The following FOXK1 variants were observed in gnomAD, a reference collection of about 807,000 sequenced individuals.
The protein encoded by FOXK1 is forkhead box protein K1.
In FOXK1, 19 loss-of-function variants were observed where a neutral mutation model predicts 51.9. The observed-to-expected ratio is 0.37, with a 90% CI of 0.26 to 0.54. FOXK1 has a LOEUF of 0.54. Ranked by LOEUF, FOXK1 falls within the 20% of genes least tolerant of loss-of-function variation. FOXK1 has a pLI of 0.87. For missense variants in FOXK1, 870 were observed against 1,032.7 expected, an observed-to-expected ratio of 0.84 and a Z score of 2.16; for synonymous variants, 537 against 482.6, an observed-to-expected ratio of 1.11 and a Z score of -1.48.
chr7:4,715,145 G>A lies in FOXK1; in HGVS notation c.561-25693G>A, dbSNP rs1047722433. On this transcript the variant is annotated intron_variant, in intron 1 of 8. Coordinates refer to ENST00000328914, the MANE Select transcript of FOXK1 (RefSeq NM_001037165.2). This position sits in a 1 kb window ranked among gnomAD's most constrained non-coding sequence, Gnocchi z 4.5. ...TTGTGATATAGTGCACGGTGGAATTGTGATACGGTACATGGTGGAACTGTG... is the reference window on the plus strand; with the variant it reads ...TTGTGATATAGTGCACGGTGGAATTATGATACGGTACATGGTGGAACTGTG... 8.1e-6 allele frequency among the ~76,000 whole-genome samples: 1 copy of A among 122,892 alleles called. No homozygotes were observed. The highest frequency in any genetic ancestry group is 1.9e-4 in the East Asian group (1 of 5,178). 80.6% of individuals were successfully genotyped at this position (122,892 alleles called of 152,430 possible).
At chr7:4,690,514 T>C (rs1176221180) in intron 1 of FOXK1, among the ~76,000 whole-genome samples, 1 of 152,276 alleles carries the variant, frequency 6.6e-6, no homozygotes, top group East Asian at 1.9e-4. Context: ...AGCCACTTTC[T>C]AGTATTTGGT....
rs149869770 is a variant in FOXK1 at position 4,708,386 on chromosome 7, C to T, written c.560+25518C>T. ...GCCTCCTTCATCCAGGGCTGCTGGT[C>T]GGGGGAAGCTCACCCGAAGGTAAAT... On this transcript the variant is annotated intron_variant, in intron 1 of 8. Transcript: ENST00000328914. Among the ~76,000 whole-genome samples, 520 of 152,192 alleles carry T rather than the reference C, an allele frequency of 3.4e-3. 6 individuals carry two copies. The highest frequency in any genetic ancestry group is 0.019 in the Admixed American group (292 of 15,282).
At chr7:4,704,992 C>A (rs1034296593) in intron 1 of FOXK1, among the ~76,000 whole-genome samples, 1 of 150,394 alleles carries the variant, frequency 6.6e-6, no homozygotes, top group East Asian at 2.0e-4. Flanking sequence ...CCACCACGCC[C>A]GGCTAACTTT....
chr7:4,754,861 C>T lies in FOXK1; in HGVS notation c.903+246C>T, dbSNP rs544291655. The T allele has an allele frequency of 1.0e-4, 62 of 601,586 alleles. 1 individual carries two copies. Among genetic ancestry groups the T allele is most frequent in the African/African-American group, 4.1e-4 (22 of 54,006 alleles). 37.3% of individuals were successfully genotyped at this position (601,586 alleles called of 1,614,324 possible). A position where few individuals can be genotyped will look rare whatever the true frequency, so the allele number is the denominator to read the frequency against. On this transcript the variant is annotated intron_variant, in intron 3 of 8. Transcript: ENST00000328914. ...CCGTCACCGAGGGCCCCTCCCGCCA[C>T]GCTCCTTGTTCATCTGCCGCTGGCA...
chr7:4,694,167 C>G (rs1779925423), intron 1 of FOXK1, among the ~76,000 whole-genome samples: 1 of 152,154 alleles, frequency 6.6e-6, no homozygotes, highest in African/African-American at 2.4e-5. Flanking sequence ...GATTATAGGC[C>G]TGAGCCACGC....
intron 2 of FOXK1, among the ~76,000 whole-genome samples, chr7:4,751,176 G>A (rs1489226274): frequency 2.0e-5 from 3 of 151,414 alleles, no homozygotes; most frequent in African/African-American, 2.4e-5. Flanking sequence ...CACCATGCCC[G>A]GCTAATTTTT....
At chr7:4,760,784 G>A (rs902972587) in intron 7 of FOXK1, among the ~76,000 whole-genome samples, 3 of 152,204 alleles carry the variant, frequency 2.0e-5, no homozygotes, top group African/African-American at 7.2e-5. Flanking sequence ...CCGGGAGGCG[G>A]AGGTTGCAGT....
chr7:4,739,058 A>G (rs1780595236), intron 1 of FOXK1, among the ~76,000 whole-genome samples: 1 of 152,170 alleles, frequency 6.6e-6, no homozygotes, highest in Non-Finnish European at 1.5e-5. Flanking sequence ...GAGCAAAGGG[A>G]CTTTCATATG....
At position 4,715,507 on chromosome 7, in the gene FOXK1, G is replaced by A. The variant is rs1186361049; in HGVS notation, c.561-25331G>A. On this transcript the variant is annotated intron_variant, in intron 1 of 8. Transcript: ENST00000328914. The surrounding 1 kb of genome is among the most constrained non-coding windows in gnomAD (Gnocchi z 4.5). ...GCCGGCGGTAGGAGCTGGAATGCCC[G>A]AGCTCTGAGAAGCTCTTCATCTATC... Among the ~76,000 whole-genome samples the A allele has an allele frequency of 2.6e-5, 4 of 152,198 alleles. No homozygotes were observed. The highest frequency in any genetic ancestry group is 4.8e-5 in the African/African-American group (2 of 41,444).
rs1236344647 is a variant in FOXK1, at chr7:4,745,972, C to T, written c.746+4949C>T. Among the ~76,000 whole-genome samples the T allele has an allele frequency of 6.6e-6, 1 of 152,134 alleles. No individual in the cohort carries two copies. The highest frequency in any genetic ancestry group is 1.9e-4 in the East Asian group (1 of 5,188). On this transcript the variant is annotated intron_variant, in intron 2 of 8. Transcript: ENST00000328914. The surrounding 1 kb of genome is among the most constrained non-coding windows in gnomAD (Gnocchi z 4.3). ...CATTTTCTAGGTTCCATCAGACAGA[C>T]ACCAGTCTAAAAAGTGTTCCTTAGA... is the stretch of plus-strand genomic sequence containing the variant.
intron 2 of FOXK1, among the ~76,000 whole-genome samples, chr7:4,741,529 C>T (rs1262436010): frequency 2.6e-5 from 4 of 152,116 alleles, no homozygotes; most frequent in Admixed American, 1.3e-4. Context: ...CGGGGTTTCA[C>T]GATGTTGGCC....
rs1484508197 is a variant in FOXK1, at chr7:4,770,248, T to C, written c.*7784T>C. On this transcript the variant is annotated 3_prime_UTR_variant, in exon 9 of 9. Transcript: ENST00000328914. ...GTAACAATGGGAATTTAAAATCAAA[T>C]ATTTGGCCAGGTGCGGTGGCTCATG... 1.3e-5 allele frequency: 2 copies of C among 151,950 alleles called. No individual in the cohort carries two copies. Among genetic ancestry groups the C allele is most frequent in the African/African-American group, 4.8e-5 (2 of 41,338 alleles). The allele number at this position is 151,950 out of a possible 1,614,324, so 9.4% of individuals were successfully genotyped here. A position where few individuals can be genotyped will look rare whatever the true frequency, so the allele number is the denominator to read the frequency against.
intron 1 of FOXK1, among the ~76,000 whole-genome samples, chr7:4,739,111 A>G (rs972564734): frequency 6.6e-6 from 1 of 152,178 alleles, no homozygotes; most frequent in Non-Finnish European, 1.5e-5. Context: ...TTTTACGTAG[A>G]TTGACTATTT....
At position 4,754,134 on chromosome 7, in the gene FOXK1, G is replaced by A. The variant is rs1306240963; in HGVS notation, c.747-325G>A. On this transcript the variant is annotated intron_variant, in intron 2 of 8. Coordinates refer to ENST00000328914, the MANE Select transcript of FOXK1 (RefSeq NM_001037165.2). ...TGCTCCGGGTGCACATCCTGTAGGGGTGTGTGTGGGGGGACCTGAGGAGGG... is the reference window on the plus strand; with the variant it reads ...TGCTCCGGGTGCACATCCTGTAGGGATGTGTGTGGGGGGACCTGAGGAGGG... 2.0e-5 allele frequency among the ~76,000 whole-genome samples: 3 copies of A among 152,188 alleles called. No homozygotes were observed. In the East Asian group the frequency reaches 5.8e-4, roughly 29 times the overall value.
intron 1 of FOXK1, among the ~76,000 whole-genome samples, chr7:4,738,793 C>T (rs899277252): frequency 2.0e-5 from 3 of 152,206 alleles, no homozygotes; most frequent in Non-Finnish European, 4.4e-5. Context: ...GGCCCAGCCT[C>T]CTCTGACCAG....
At chr7:4,699,378 T>A (rs1336819218) in intron 1 of FOXK1, among the ~76,000 whole-genome samples, 6 of 148,856 alleles carry the variant, frequency 4.0e-5, no homozygotes, top group Admixed American at 3.4e-4. Context: ...AGGGTTAGGT[T>A]TTTTTTTTTT....
intron 1 of FOXK1, among the ~76,000 whole-genome samples, chr7:4,726,777 A>T (rs566810776): frequency 4.6e-5 from 7 of 152,246 alleles, no homozygotes; most frequent in Non-Finnish European, 7.4e-5. Flanking sequence ...CACTCTATTC[A>T]TAGGGGGAAA....
intron 1 of FOXK1, among the ~76,000 whole-genome samples, chr7:4,701,717 C>G (rs954901260): frequency 6.6e-6 from 1 of 152,188 alleles, no homozygotes; most frequent in Non-Finnish European, 1.5e-5. Context: ...CACGGTGAAA[C>G]CGTGTCTCTA....
intron 1 of FOXK1, among the ~76,000 whole-genome samples, chr7:4,688,409 A>ATT (rs370316026): frequency 6.8e-6 from 1 of 146,782 alleles, no homozygotes; most frequent in African/African-American, 2.5e-5. Context: ...TTTTATTTTT[A>ATT]TTTTTTTTTG....
Sources: gnomAD v4.1 joint callset for allele counts (sites outside exome capture counted in the v4.1 genomes callset) on GRCh38, gnomAD v4.1.1 for gene constraint, Gnocchi (gnomAD v3.1) non-coding constraint, MANE v1.5 for transcripts, NCBI Gene and HGNC (gene_info 2026-07-23, HGNC 2026-07-21) for gene names.